Variants in HMGB1 observed in about 807,000 individuals in gnomAD.
The protein encoded by HMGB1 is high mobility group protein B1.
For missense variants in HMGB1, 79 were observed against 253.5 expected, an observed-to-expected ratio of 0.31 and a Z score of 4.67; for synonymous variants, 81 against 84.0, an observed-to-expected ratio of 0.96 and a Z score of 0.19.
chr13:30,538,599 T>G (rs185834530), intron 1 of HMGB1, among the ~76,000 whole-genome samples: 1 of 140,592 alleles, frequency 7.1e-6, no homozygotes, highest in Non-Finnish European at 1.5e-5. Context: ...TCTTTCTTCT[T>G]TTTCTTTCTT....
At chr13:30,461,638 C>T in intron 4 of HMGB1, 105 bp from the exon 5 acceptor site, 1 of 1,586,916 alleles carries the variant, frequency 6.3e-7, no homozygotes. Context: ...TCTAGTTATA[C>T]CAAAATATCA....
chr13:30,545,696 T>G (rs1001811823), intron 1 of HMGB1, among the ~76,000 whole-genome samples: 1 of 152,236 alleles, frequency 6.6e-6, no homozygotes, highest in East Asian at 1.9e-4. Context: ...TATTTTTGTT[T>G]GTTTGTGGGT....
intron 1 of HMGB1, among the ~76,000 whole-genome samples, chr13:30,505,352 G>T (rs1449731014): frequency 6.6e-6 from 1 of 151,950 alleles, no homozygotes; most frequent in Non-Finnish European, 1.5e-5. Context: ...CTAATTTTTT[G>T]TATTTTTAGT....
rs541773337 is a variant in HMGB1, at chr13:30,554,455, A to G, written c.-15+62216T>C. 1.8e-5 allele frequency: 17 copies of G among 968,714 alleles called. No homozygotes were observed. In the South Asian group the frequency reaches 2.2e-4, roughly 13 times the overall value. 60.0% of individuals were successfully genotyped at this position (968,714 alleles called of 1,614,324 possible). A position where few individuals can be genotyped will look rare whatever the true frequency, so the allele number is the denominator to read the frequency against. ...ACTGAATGGGTCTTATTCAGACCCC[A>G]GATCAACTGAGATTCTCATACATGG... On this transcript the variant is annotated intron_variant, in intron 1 of 4. Coordinates refer to the HMGB1 transcript ENST00000405805.
At chr13:30,543,173 C>A (rs1281157294) in intron 1 of HMGB1, 1 of 132,774 alleles carries the variant, frequency 7.5e-6, no homozygotes. Context: ...GTTGCCCAGG[C>A]TAGAGTGCAG....
At chr13:30,481,835 GTCTT>G (rs983134325) in intron 1 of HMGB1, among the ~76,000 whole-genome samples, 10 of 151,736 alleles carry the variant, frequency 6.6e-5, no homozygotes, top group Admixed American at 2.0e-4. Context: ...GTATTCTTAA[GTCTT>G]TCTTTTTTTT....
At chr13:30,616,200 G>A (rs1197136930) in intron 1 of HMGB1, among the ~76,000 whole-genome samples, 1 of 152,126 alleles carries the variant, frequency 6.6e-6, no homozygotes, top group Non-Finnish European at 1.5e-5. Context: ...AAGCTCTAGA[G>A]CGAAAACACA....
At chr13:30,466,300 C>CT (rs894530533), upstream of HMGB1, among the ~76,000 whole-genome samples, 1 of 151,624 alleles carries the variant, frequency 6.6e-6, no homozygotes, top group African/African-American at 2.4e-5. Context: ...CAGGTCTCCC[C>CT]CCCCCTTCTT....
At chr13:30,466,296 T>TC (rs59963662), upstream of HMGB1, among the ~76,000 whole-genome samples, 143,255 of 145,644 alleles carry the variant, frequency 0.98, 70,461 homozygotes, top group Middle Eastern at 1. Context: ...CCCACAGGTC[T>TC]CCCCCCCCCT....
rs551257414 is a variant in HMGB1 at position 30,512,063 on chromosome 13, T to C, written c.-14-48369A>G. Among the ~76,000 whole-genome samples the C allele has an allele frequency of 5.3e-5, 8 of 151,952 alleles. No individual in the cohort carries two copies. The South Asian group carries it at 1.7e-3, about 32-fold the overall frequency. ...GCATGGTGACTCATGCCTATAATCCTAGCACTTGGGGAGGCTGAGGCAGGA... is the reference window on the plus strand; with the variant it reads ...GCATGGTGACTCATGCCTATAATCCCAGCACTTGGGGAGGCTGAGGCAGGA... On this transcript the variant is annotated intron_variant, in intron 1 of 4. Coordinates refer to the HMGB1 transcript ENST00000405805.
intron 1 of HMGB1, chr13:30,554,009 C>A: frequency 1.3e-6 from 2 of 1,482,500 alleles, no homozygotes; most frequent in African/African-American, 1.4e-5. Flanking sequence ...TTGTGCTGAA[C>A]CGCATTGTGG....
chr13:30,466,582 C>T (rs891983084), upstream of HMGB1, among the ~76,000 whole-genome samples: 2 of 152,198 alleles, frequency 1.3e-5, no homozygotes, highest in African/African-American at 2.4e-5. Context: ...TAAGCCGTCA[C>T]GTCAGGCTCG....
intron 1 of HMGB1, among the ~76,000 whole-genome samples, chr13:30,543,819 C>A (rs1193473620): frequency 6.6e-6 from 1 of 152,196 alleles, no homozygotes; most frequent in Non-Finnish European, 1.5e-5. Flanking sequence ...TACAGTCAAA[C>A]AGGAATGCCC....
intron 1 of HMGB1, among the ~76,000 whole-genome samples, chr13:30,506,977 C>T (rs912744447): frequency 2.0e-5 from 3 of 152,146 alleles, no homozygotes; most frequent in African/African-American, 4.8e-5. Context: ...ACTCTGAAGG[C>T]GACTCAGTCT....
At chr13:30,533,576 G>A (rs561375440) in intron 1 of HMGB1, among the ~76,000 whole-genome samples, 163 of 152,084 alleles carry the variant, frequency 1.1e-3, no homozygotes, top group African/African-American at 3.8e-3. Flanking sequence ...TGTTAGCCAG[G>A]CTGATCTCAA....
intron 1 of HMGB1, among the ~76,000 whole-genome samples, chr13:30,494,425 G>A (rs771385727): frequency 8.6e-5 from 13 of 150,814 alleles, no homozygotes; most frequent in Non-Finnish European, 1.5e-4. Flanking sequence ...GCAATGGTGT[G>A]ATCTCGGCTC....
intron 1 of HMGB1, among the ~76,000 whole-genome samples, chr13:30,547,850 A>G (rs1469419203): frequency 7.9e-5 from 12 of 152,262 alleles, no homozygotes; most frequent in South Asian, 4.1e-4. Flanking sequence ...CCCGGGAGGC[A>G]GAGGCTGCAG....
At position 30,492,505 on chromosome 13, in the gene HMGB1, T is replaced by C. The variant is rs576286280; in HGVS notation, c.-14-28811A>G. On this transcript the variant is annotated intron_variant, in intron 1 of 4. Coordinates refer to the HMGB1 transcript ENST00000405805. Reference sequence around the variant, plus strand: ...CAAACAAATGCTTTATAAAAAGAAGTTACATGAAAAGATGCTCAATATTGT... The same window carrying C: ...CAAACAAATGCTTTATAAAAAGAAGCTACATGAAAAGATGCTCAATATTGT... Among the ~76,000 whole-genome samples, 393 of 152,154 alleles carry C rather than the reference T, an allele frequency of 2.6e-3. 2 individuals are homozygous for C. Among genetic ancestry groups the C allele is most frequent in the African/African-American group, 8.7e-3 (363 of 41,500 alleles).
chr13:30,464,630 G>A (rs1405120867), intron 1 of HMGB1: 2 of 983,892 alleles, frequency 2.0e-6, no homozygotes, highest in Admixed American at 6.2e-5. Context: ...GAGAAGCCCC[G>A]CTCGAAATGG....
Sources: allele counts gnomAD v4.1 joint callset (sites outside exome capture counted in the v4.1 genomes callset), GRCh38; gene constraint gnomAD v4.1.1; transcripts MANE v1.5; gene names NCBI Gene and HGNC (gene_info 2026-07-23, HGNC 2026-07-21).